The following ZEB1 variants were observed in gnomAD, a reference collection of about 807,000 sequenced individuals.
ZEB1 encodes zinc finger E-box binding homeobox 1, also known as zinc finger E-box-binding homeobox 1.
In ZEB1, 21 loss-of-function variants were observed where a neutral mutation model predicts 84.9. That is an observed-to-expected ratio of 0.25 (90% confidence interval 0.18 to 0.36). The LOEUF (loss-of-function observed/expected upper bound fraction) is 0.36, where lower values mean the gene tolerates loss of function less well. Ranked by LOEUF, ZEB1 falls within the 10% of genes least tolerant of loss-of-function variation. ZEB1 has a pLI of 1.00. For missense variants in ZEB1, 1,104 were observed against 1,330.2 expected, an observed-to-expected ratio of 0.83 and a Z score of 2.65; for synonymous variants, 420 against 471.1, an observed-to-expected ratio of 0.89 and a Z score of 1.41.
chr10:31,399,711 T>C (rs1237008582), intron 1 of ZEB1, among the ~76,000 whole-genome samples: 4 of 152,200 alleles, frequency 2.6e-5, no homozygotes, highest in Admixed American at 1.3e-4. Flanking sequence ...TGTCACTCTT[T>C]TGATGAAAAT....
intron 1 of ZEB1, among the ~76,000 whole-genome samples, chr10:31,447,016 T>A (rs940653753): frequency 6.0e-5 from 9 of 151,142 alleles, no homozygotes; most frequent in Non-Finnish European, 1.2e-4. Flanking sequence ...CAGTGGGGTG[T>A]TAAAGTCTCC....
chr10:31,496,893 C>CGTA (rs1380347925), intron 3 of ZEB1, among the ~76,000 whole-genome samples: 1 of 152,030 alleles, frequency 6.6e-6, no homozygotes, highest in Non-Finnish European at 1.5e-5. Context: ...CACTCCTATA[C>CGTA]TCGTCAGTCA....
At chr10:31,344,676 T>C (rs543605018) in intron 1 of ZEB1, among the ~76,000 whole-genome samples, 1 of 152,246 alleles carries the variant, frequency 6.6e-6, no homozygotes, top group South Asian at 2.1e-4. Flanking sequence ...CTGTACCTCA[T>C]ACACTTTGTG....
intron 1 of ZEB1, among the ~76,000 whole-genome samples, chr10:31,342,003 G>A (rs188370067): frequency 4.1e-4 from 63 of 152,260 alleles, no homozygotes; most frequent in African/African-American, 1.5e-3. Flanking sequence ...CAGTTTAGAT[G>A]ATCAGCTGTG....
At chr10:31,448,840 T>C (rs954244066) in intron 1 of ZEB1, among the ~76,000 whole-genome samples, 23 of 152,298 alleles carry the variant, frequency 1.5e-4, no homozygotes, top group African/African-American at 4.6e-4. Flanking sequence ...GACATTTAAG[T>C]CTGCAGAGGT....
intron 1 of ZEB1, among the ~76,000 whole-genome samples, chr10:31,379,649 A>G (rs1236489132): frequency 6.6e-6 from 1 of 151,980 alleles, no homozygotes; most frequent in Non-Finnish European, 1.5e-5. Flanking sequence ...TAGAGTAGGT[A>G]ATTCCATATT....
chr10:31,427,118 A>G (rs1041570117), intron 1 of ZEB1, among the ~76,000 whole-genome samples: 3 of 152,220 alleles, frequency 2.0e-5, no homozygotes, highest in African/African-American at 7.2e-5. Flanking sequence ...AGGTGTGTGC[A>G]AGCTTGTCGT....
At chr10:31,449,346 G>A (rs1280533376) in intron 1 of ZEB1, among the ~76,000 whole-genome samples, 1 of 152,242 alleles carries the variant, frequency 6.6e-6, no homozygotes, top group Non-Finnish European at 1.5e-5. Context: ...TGGTACCTCA[G>A]ATGGAAATGC....
At chr10:31,400,158 TTTGCCTTCCTCCACTAG>T (rs2051676762) in intron 1 of ZEB1, among the ~76,000 whole-genome samples, 1 of 152,216 alleles carries the variant, frequency 6.6e-6, no homozygotes, top group Admixed American at 6.5e-5. Context: ...TCATTTATTT[TTTGCCTTCCTCCACTAG>T]AATATAAAGG....
chr10:31,399,479 CCAAAATATTAT>C (rs985129978), intron 1 of ZEB1, among the ~76,000 whole-genome samples: 1 of 152,072 alleles, frequency 6.6e-6, no homozygotes, highest in Admixed American at 6.5e-5. Flanking sequence ...ATTTCTGTTA[CCAAAATATTAT>C]CTTGCTTCTG....
chr10:31,442,426 G>T (rs542942005), intron 1 of ZEB1, among the ~76,000 whole-genome samples: 128 of 152,094 alleles, frequency 8.4e-4, no homozygotes, highest in Admixed American at 4.6e-3. Context: ...GGGTAGGGGG[G>T]AGGGATAGCG....
rs1382552596 is a variant in ZEB1, at chr10:31,528,423, T to A, written c.*1159T>A. On this transcript the variant is annotated 3_prime_UTR_variant, in exon 9 of 9. Transcript: ENST00000424869. Reference sequence around the variant, plus strand: ...ACTTGCATTTCAGACATGGACATGCTATTGTTATTTGGCTCATAACTGTTT... The same window carrying A: ...ACTTGCATTTCAGACATGGACATGCAATTGTTATTTGGCTCATAACTGTTT... 2 of 152,254 alleles carry A rather than the reference T, an allele frequency of 1.3e-5. No individual in the cohort carries two copies. Among genetic ancestry groups the A allele is most frequent in the Non-Finnish European group, 2.9e-5 (2 of 68,038 alleles). The allele number at this position is 152,254 out of a possible 1,614,324, so 9.4% of individuals were successfully genotyped here.
chr10:31,516,817 C>A (rs144791630), intron 6 of ZEB1, among the ~76,000 whole-genome samples: 22 of 151,974 alleles, frequency 1.4e-4, no homozygotes, highest in African/African-American at 5.1e-4. Flanking sequence ...CCAGGGTGGC[C>A]ACGTAGATAC....
intron 2 of ZEB1, among the ~76,000 whole-genome samples, chr10:31,494,007 T>C (rs989201457): frequency 7.9e-5 from 12 of 152,076 alleles, no homozygotes. Flanking sequence ...TCATTTTACC[T>C]TTAATATCAA....
chr10:31,492,543 G>T (rs1270407752), intron 2 of ZEB1, among the ~76,000 whole-genome samples: 1 of 151,774 alleles, frequency 6.6e-6, no homozygotes, highest in African/African-American at 2.4e-5. Flanking sequence ...GTATAAATGT[G>T]CATGGCATGT....
At chr10:31,431,180 T>C (rs1187386453) in intron 1 of ZEB1, among the ~76,000 whole-genome samples, 1 of 152,198 alleles carries the variant, frequency 6.6e-6, no homozygotes, top group East Asian at 1.9e-4. Context: ...AAGCAGCTAA[T>C]CTCTCACCTA....
At chr10:31,441,330 G>C (rs915875996) in intron 1 of ZEB1, among the ~76,000 whole-genome samples, 1 of 152,190 alleles carries the variant, frequency 6.6e-6, no homozygotes, top group South Asian at 2.1e-4. Context: ...TTAATAAATG[G>C]TGCTGGGAAA....
chr10:31,485,593 A>G (rs1274765113), intron 2 of ZEB1, among the ~76,000 whole-genome samples: 2 of 151,976 alleles, frequency 1.3e-5, no homozygotes, highest in Non-Finnish European at 2.9e-5. Context: ...AGACCAAAAC[A>G]TTAAAATAGT....
At chr10:31,383,303 A>T (rs746167973) in intron 1 of ZEB1, among the ~76,000 whole-genome samples, 21 of 152,182 alleles carry the variant, frequency 1.4e-4, no homozygotes, top group Non-Finnish European at 2.5e-4. Flanking sequence ...AGGGCAACTG[A>T]GAAACTGAAT....
Sources: allele counts gnomAD v4.1 joint callset (sites outside exome capture counted in the v4.1 genomes callset), GRCh38; gene constraint gnomAD v4.1.1; transcripts MANE v1.5; gene names NCBI Gene and HGNC (gene_info 2026-07-23, HGNC 2026-07-21).